Variants in CDH18 observed in about 807,000 individuals in gnomAD.
CDH18 encodes cadherin 18.
In CDH18, 31 loss-of-function variants were observed where a neutral mutation model predicts 67.9. That is an observed-to-expected ratio of 0.46 (90% CI 0.34 to 0.62). The LOEUF is 0.62. Among genes scored for constraint, CDH18 ranks in the 20% least tolerant of loss-of-function variants. CDH18 has a pLI of 0.01. For missense variants in CDH18, 890 were observed against 975.5 expected (o/e 0.91, Z 1.17); for synonymous variants, 362 against 347.2 (o/e 1.04, Z -0.48).
rs560010353 is a variant in CDH18 at position 20,032,379 on chromosome 5, T to C, written c.-517-40365A>G. On this transcript the variant is annotated intron_variant, in intron 2 of 14. Coordinates refer to the CDH18 transcript ENST00000507958. Reference sequence around the variant, plus strand: ...ATGGACAAGTTATATTTTACAGAGATAGTAGAGATAAAACTGAACTTTAAA... The same window carrying C: ...ATGGACAAGTTATATTTTACAGAGACAGTAGAGATAAAACTGAACTTTAAA... 3.0e-3 allele frequency among the ~76,000 whole-genome samples: 456 copies of C among 151,960 alleles called. 1 individual carries two copies. Among genetic ancestry groups the C allele is most frequent in the Non-Finnish European group, 4.4e-3 (302 of 67,922 alleles).
At chr5:20,136,285 G>T (rs143742701) in intron 2 of CDH18, among the ~76,000 whole-genome samples, 2,978 of 152,214 alleles carry the variant, frequency 0.02, 39 homozygotes, top group Middle Eastern at 0.044. Flanking sequence ...CCTGTATTGG[G>T]TGCATAAATA....
At chr5:20,288,936 T>C (rs999880029) in intron 1 of CDH18, among the ~76,000 whole-genome samples, 2 of 152,014 alleles carry the variant, frequency 1.3e-5, no homozygotes, top group African/African-American at 4.8e-5. Context: ...AGAAATCAAC[T>C]ATTTTTGGAA....
chr5:19,839,683 C>T (rs566734449), intron 2 of CDH18, among the ~76,000 whole-genome samples: 102 of 152,196 alleles, frequency 6.7e-4, no homozygotes, highest in African/African-American at 2.3e-3. Flanking sequence ...AAGAATGCAA[C>T]TTAAAATTAC....
intron 1 of CDH18, among the ~76,000 whole-genome samples, chr5:20,487,049 T>C (rs1308405988): frequency 6.6e-6 from 1 of 152,230 alleles, no homozygotes; most frequent in East Asian, 1.9e-4. Context: ...TGCGTTACAG[T>C]TGTGAGTGTA....
chr5:19,729,877 A>T (rs1044791490), intron 4 of CDH18, among the ~76,000 whole-genome samples: 1 of 152,162 alleles, frequency 6.6e-6, no homozygotes, highest in Non-Finnish European at 1.5e-5. Flanking sequence ...GCAGAAACTT[A>T]ATACCTGTCA....
intron 5 of CDH18, among the ~76,000 whole-genome samples, chr5:19,631,573 C>CA (rs149012621): frequency 0.039 from 5,900 of 149,578 alleles, 326 homozygotes; most frequent in African/African-American, 0.12. Flanking sequence ...CTATATTCCA[C>CA]AAAAAAAAAT....
chr5:19,489,290 C>T (rs1375383084), intron 11 of CDH18, among the ~76,000 whole-genome samples: 2 of 148,978 alleles, frequency 1.3e-5, no homozygotes, highest in Non-Finnish European at 3.0e-5. Context: ...CTCTGTCGCC[C>T]AGGCTGGAGT....
intron 1 of CDH18, among the ~76,000 whole-genome samples, chr5:20,392,646 C>T (rs540747309): frequency 4.0e-5 from 6 of 151,796 alleles, no homozygotes; most frequent in South Asian, 2.1e-4. Flanking sequence ...CTGATGAAGA[C>T]GGGTCTGGAA....
At chr5:19,839,317 T>C (rs1321993155) in intron 2 of CDH18, 75 bp from the exon 3 acceptor site, 1 of 273,650 alleles carries the variant, frequency 3.7e-6, no homozygotes, top group Non-Finnish European at 7.1e-6. Context: ...CAAATGATAC[T>C]ATTTTGCAAT....
intron 5 of CDH18, among the ~76,000 whole-genome samples, chr5:19,687,034 A>C (rs1001996418): frequency 4.6e-5 from 7 of 152,150 alleles, no homozygotes; most frequent in Non-Finnish European, 8.8e-5. Flanking sequence ...TCAGCAAAGA[A>C]GTGACAGGAA....
intron 1 of CDH18, among the ~76,000 whole-genome samples, chr5:20,284,152 C>T (rs932339962): frequency 2.0e-5 from 3 of 151,628 alleles, no homozygotes; most frequent in African/African-American, 7.3e-5. Flanking sequence ...TTAATGAGTA[C>T]AAAAATATAG....
At chr5:20,297,175 TAAAAATC>T (rs1396133650) in intron 1 of CDH18, among the ~76,000 whole-genome samples, 1 of 152,344 alleles carries the variant, frequency 6.6e-6, no homozygotes, top group South Asian at 2.1e-4. Context: ...TGTTAGTATA[TAAAAATC>T]ATGAAAATGA....
rs543177290 is a variant in CDH18 at position 19,472,290 on chromosome 5, CA to C, written c.*935del. Among the ~76,000 whole-genome samples, 186 of 151,532 alleles carry C rather than the reference CA, an allele frequency of 1.2e-3. No homozygotes were observed. Among genetic ancestry groups the C allele is most frequent in the African/African-American group, 4.3e-3 (177 of 41,298 alleles). ...TTAGACTGAAGTACAAACCAGCCAG[CA>C]AAATATTTGACAATTAATTTTAAAT... On this transcript the variant is annotated 3_prime_UTR_variant, in exon 13 of 13. Transcript: ENST00000382275.
intron 1 of CDH18, among the ~76,000 whole-genome samples, chr5:20,471,915 T>TTCTCAG: frequency 1.3e-3 from 2 of 1,528 alleles, no homozygotes; most frequent in Non-Finnish European, 1.4e-3. Context: ...ACTTGCTAAC[T>TTCTCAG]CCATTCTCAT....
At chr5:19,925,732 C>T (rs1397560344) in intron 2 of CDH18, among the ~76,000 whole-genome samples, 2 of 152,124 alleles carry the variant, frequency 1.3e-5, no homozygotes, top group East Asian at 1.9e-4. Context: ...TTGATCCACC[C>T]ACCTCAGCCT....
intron 1 of CDH18, among the ~76,000 whole-genome samples, chr5:20,469,509 C>A (rs1370070503): frequency 3.3e-5 from 5 of 152,282 alleles, no homozygotes; most frequent in African/African-American, 9.6e-5. Context: ...CTTTCTTCAA[C>A]CTTTTCACTC....
chr5:20,506,939 C>T (rs1754696599), intron 1 of CDH18, among the ~76,000 whole-genome samples: 1 of 152,142 alleles, frequency 6.6e-6, no homozygotes, highest in Non-Finnish European at 1.5e-5. Flanking sequence ...AATGCCATGG[C>T]AGATCTAGCA....
intron 5 of CDH18, among the ~76,000 whole-genome samples, chr5:19,658,483 T>G (rs1440011159): frequency 6.6e-6 from 1 of 152,038 alleles, no homozygotes; most frequent in Non-Finnish European, 1.5e-5. Flanking sequence ...TCAGAGTACT[T>G]ATTTACATAA....
At chr5:19,595,706 A>G (rs1406102238) in intron 6 of CDH18, among the ~76,000 whole-genome samples, 1 of 152,222 alleles carries the variant, frequency 6.6e-6, no homozygotes, top group East Asian at 1.9e-4. Flanking sequence ...AAGGGTTGAC[A>G]CACGTGTTCA....
Sources: allele counts gnomAD v4.1 joint callset (sites outside exome capture counted in the v4.1 genomes callset), GRCh38; gene constraint gnomAD v4.1.1; transcripts MANE v1.5; gene names NCBI Gene and HGNC (gene_info 2026-07-23, HGNC 2026-07-21).